Variants in COL4A3 observed in about 807,000 individuals in gnomAD.
The protein encoded by COL4A3 is collagen type IV alpha 3 chain, also known as collagen alpha-3(IV) chain.
COL4A3 carries 135 observed loss-of-function variants against 217.4 expected under a neutral mutation model. The ratio of observed to expected loss-of-function variants is 0.62; its 90% CI spans 0.54 to 0.72. The LOEUF is 0.72. COL4A3 is among the 30% of genes least tolerant of loss of function. The pLI is 0.00. For missense variants in COL4A3, 1,868 were observed against 2,119.9 expected (o/e 0.88, Z 2.33); for synonymous variants, 690 against 736.3 (o/e 0.94, Z 1.02).
chr2:227,227,388 G>A (rs112123207), intron 1 of COL4A3, among the ~76,000 whole-genome samples: 18,205 of 152,098 alleles, frequency 0.12, 1,198 homozygotes, highest in East Asian at 0.29. Flanking sequence ...CTTGAGCTCA[G>A]GAGTTTGAGA....
chr2:227,281,174 A>C (rs2071939228), intron 31 of COL4A3, among the ~76,000 whole-genome samples, 168 bp downstream of exon 31: 1 of 152,214 alleles, frequency 6.6e-6, no homozygotes, highest in Non-Finnish European at 1.5e-5. Context: ...TGTTGCACAC[A>C]GTAGTGTGTA....
chr2:227,294,598 C>A (rs768421505), intron 39 of COL4A3, 28 bp downstream of exon 39: 10 of 1,478,624 alleles, frequency 6.8e-6, no homozygotes, highest in Non-Finnish European at 9.5e-6. Context: ...TCTCTTTTTC[C>A]TTTTCATGTG....
chr2:227,277,420 G>GGAGAT (rs1310227544), intron 27 of COL4A3, 29 bp from the exon 28 acceptor site: 1 of 1,341,916 alleles, frequency 7.5e-7, no homozygotes, highest in African/African-American at 1.4e-5. Context: ...TTGCTGATGT[G>GGAGAT]GAGATGCATA....
intron 8 of COL4A3, 175 bp from the exon 9 acceptor site, chr2:227,248,268 T>C (rs1316617588): frequency 3.2e-6 from 2 of 624,138 alleles, no homozygotes; most frequent in Admixed American, 2.3e-5. Flanking sequence ...TTAGAAAATA[T>C]GAAAATGCTT....
intron 1 of COL4A3, among the ~76,000 whole-genome samples, chr2:227,180,837 T>C (rs1213660053): frequency 3.9e-5 from 6 of 152,238 alleles, no homozygotes; most frequent in Non-Finnish European, 8.8e-5. Context: ...TTTATACTCA[T>C]TTAATTCTCC....
intron 1 of COL4A3, among the ~76,000 whole-genome samples, chr2:227,202,697 T>G (rs572444362): frequency 8.3e-4 from 121 of 145,454 alleles, no homozygotes; most frequent in African/African-American, 2.5e-3. Flanking sequence ...ATAGCGCCAC[T>G]GCAGTCCGGC....
chr2:227,177,800 C>T (rs1438429027), intron 1 of COL4A3, among the ~76,000 whole-genome samples: 4 of 152,144 alleles, frequency 2.6e-5, no homozygotes, highest in Non-Finnish European at 5.9e-5. Flanking sequence ...GTCTATGCTC[C>T]CTGCCCACAA....
chr2:227,282,339 T>C lies in COL4A3; in HGVS notation c.2489-26T>C. 6.3e-7 allele frequency: 1 copy of C among 1,589,386 alleles called. No individual in the cohort carries two copies. The highest frequency in any genetic ancestry group is 8.6e-7 in the Non-Finnish European group (1 of 1,161,322). On this transcript the variant is annotated intron_variant, in intron 31 of 51. Coordinates refer to ENST00000396578, the MANE Select transcript of COL4A3 (RefSeq NM_000091.5). This position sits in a 1 kb window ranked among gnomAD's most constrained non-coding sequence, Gnocchi z 4.4. ...TAGGGGAAAGCATTTGTGGGTTAAT[T>C]AATTCATTCATTTATTCGTACACAG...
chr2:227,248,584 C>G, intron 9 of COL4A3, 64 bp downstream of exon 9: 1 of 1,064,476 alleles, frequency 9.4e-7, no homozygotes. Flanking sequence ...CTCTTTTCGC[C>G]TCTCTTTACT....
intron 51 of COL4A3, 110 bp downstream of exon 51, chr2:227,311,058 T>C: frequency 1.8e-6 from 2 of 1,140,384 alleles, no homozygotes; most frequent in Non-Finnish European, 2.6e-6. Context: ...ACTGTGCCAA[T>C]AAAGACAAAA....
intron 1 of COL4A3, chr2:227,222,452 A>G (rs979696009): frequency 2.0e-5 from 3 of 152,150 alleles, no homozygotes; most frequent in African/African-American, 7.2e-5. Flanking sequence ...GGCAGCTAAG[A>G]GGACACTTTC....
At chr2:227,267,674 A>C (rs1466012596) in intron 23 of COL4A3, among the ~76,000 whole-genome samples, 1 of 152,210 alleles carries the variant, frequency 6.6e-6, no homozygotes, top group Non-Finnish European at 1.5e-5. Flanking sequence ...GCAACATGTC[A>C]GGCCCTGCAT....
intron 3 of COL4A3, among the ~76,000 whole-genome samples, chr2:227,242,198 A>G (rs1290145193): frequency 6.6e-6 from 1 of 152,184 alleles, no homozygotes; most frequent in Non-Finnish European, 1.5e-5. Flanking sequence ...CTACAAATAA[A>G]TCAGGGGTTC....
intron 1 of COL4A3, among the ~76,000 whole-genome samples, chr2:227,211,137 A>G (rs1383919237): frequency 6.7e-6 from 1 of 150,274 alleles, no homozygotes; most frequent in South Asian, 2.1e-4. Flanking sequence ...AGTAGCTGGG[A>G]CTACAGGCAC....
Position 227,303,721 on chromosome 2 carries a change from A to G in COL4A3, c.3956-138A>G, listed in dbSNP as rs899284924. The G allele has an allele frequency of 6.1e-6, 5 of 813,690 alleles. 1 individual carries two copies. In the African/African-American group the frequency reaches 8.6e-5, roughly 14 times the overall value. The allele number at this position is 813,690 out of a possible 1,614,324, so 50.4% of individuals were successfully genotyped here. A position where few individuals can be genotyped will look rare whatever the true frequency, so the allele number is the denominator to read the frequency against. ...ACCTATGTGAACAAAATGAAATTGT[A>G]GCCCTTGTGACAGAACCCATAGGAC... On this transcript the variant is annotated intron_variant, in intron 44 of 51. Transcript: ENST00000396578.
At chr2:227,200,886 C>T (rs2066659856) in intron 1 of COL4A3, among the ~76,000 whole-genome samples, 2 of 151,210 alleles carry the variant, frequency 1.3e-5, no homozygotes, top group South Asian at 4.1e-4. Flanking sequence ...TGTCAGATCT[C>T]CTCAACTCTC....
At chr2:227,222,213 C>G (rs946978874) in intron 1 of COL4A3, among the ~76,000 whole-genome samples, 1 of 151,426 alleles carries the variant, frequency 6.6e-6, no homozygotes, top group Non-Finnish European at 1.5e-5. Context: ...ATACAATACC[C>G]AATCTTGCTC....
At chr2:227,220,383 A>G (rs2067727556) in intron 1 of COL4A3, among the ~76,000 whole-genome samples, 1 of 151,816 alleles carries the variant, frequency 6.6e-6, no homozygotes, top group African/African-American at 2.4e-5. Flanking sequence ...GGGTTTCTCC[A>G]TGTTGGCCAG....
chr2:227,255,702 A>G (rs1317054499), intron 15 of COL4A3, among the ~76,000 whole-genome samples: 1 of 151,576 alleles, frequency 6.6e-6, no homozygotes, highest in South Asian at 2.1e-4. Context: ...TTCTCTGCCC[A>G]GTGTGTGTGT....
Sources: allele counts gnomAD v4.1 joint callset (sites outside exome capture counted in the v4.1 genomes callset), GRCh38; gene constraint gnomAD v4.1.1; non-coding constraint Gnocchi (gnomAD v3.1); transcripts MANE v1.5; gene names NCBI Gene and HGNC (gene_info 2026-07-23, HGNC 2026-07-21).